PPARGC1B: variants seen among roughly 807,000 people sequenced by gnomAD.
The protein encoded by PPARGC1B is peroxisome proliferator-activated receptor gamma coactivator 1-beta.
A neutral mutation model predicts 101.6 loss-of-function variants in PPARGC1B; 34 were observed. The observed-to-expected ratio is 0.33, with a 90% CI of 0.25 to 0.45. The LOEUF (loss-of-function observed/expected upper bound fraction) is 0.45, where lower values mean the gene tolerates loss of function less well. Ranked by LOEUF, PPARGC1B falls within the 20% of genes least tolerant of loss-of-function variation. The pLI is 1.00. For synonymous variants in PPARGC1B, 548 were observed against 539.3 expected (o/e 1.02, Z -0.22); for missense variants, 1,234 against 1,317.6 (o/e 0.94, Z 0.98).
At chr5:149,820,256 G>T in intron 1 of PPARGC1B, among the ~76,000 whole-genome samples, 177 bp from the exon 2 acceptor site, 1 of 152,168 alleles carries the variant, frequency 6.6e-6, no homozygotes, top group South Asian at 2.1e-4. Context: ...CTGGGGCCTA[G>T]CTTAGCTACC....
At chr5:149,811,385 A>C (rs942550708) in intron 1 of PPARGC1B, among the ~76,000 whole-genome samples, 54 of 152,240 alleles carry the variant, frequency 3.5e-4, no homozygotes, top group African/African-American at 1.2e-3. Context: ...TTAGCAGCTC[A>C]ACTTTATTGA....
chr5:149,779,494 C>T (rs757738353), intron 1 of PPARGC1B, among the ~76,000 whole-genome samples: 7 of 152,144 alleles, frequency 4.6e-5, no homozygotes, highest in Non-Finnish European at 1.0e-4. Flanking sequence ...CTGTATAGCA[C>T]ACACTAAGGA....
At chr5:149,825,579 A>G (rs115028676) in intron 2 of PPARGC1B, among the ~76,000 whole-genome samples, 2,535 of 152,312 alleles carry the variant, frequency 0.017, 29 homozygotes, top group Non-Finnish European at 0.025. Context: ...TCCTCACCAC[A>G]TTCTTTTTCT....
rs182712945 is a variant in PPARGC1B at position 149,844,944 on chromosome 5, C to A, written c.2817-816C>A. On this transcript the variant is annotated intron_variant, in intron 10 of 11. Transcript: ENST00000309241. ...GCTGCCTGTAGCTTTAAGCTACCCC[C>A]CAGCAGCTTAGAGACCCCTGAGAAG... Among the ~76,000 whole-genome samples, 230 of 152,298 alleles carry A rather than the reference C, an allele frequency of 1.5e-3. 1 individual carries two copies. The highest frequency in any genetic ancestry group is 5.2e-3 in the African/African-American group (217 of 41,550).
At chr5:149,738,940 G>T (rs1454876002) in intron 1 of PPARGC1B, among the ~76,000 whole-genome samples, 2 of 152,176 alleles carry the variant, frequency 1.3e-5, no homozygotes, top group African/African-American at 2.4e-5. Context: ...CACCACCCAC[G>T]TGGCTTGTGC....
In PPARGC1B at chr5:149,854,573, G is replaced by A. The variant is rs1251517820; in HGVS notation, c.*7015G>A. On this transcript the variant is annotated 3_prime_UTR_variant, in exon 12 of 12. Transcript: ENST00000309241. ...GTTTTGCTATTTTTTTTAATTGGTA[G>A]AGGATTTTTATATATTTTTTCCATT... 6.6e-6 allele frequency: 1 copy of A among 152,018 alleles called. No homozygotes were observed. Among genetic ancestry groups the A allele is most frequent in the Non-Finnish European group, 1.5e-5 (1 of 68,028 alleles). 9.4% of individuals were successfully genotyped at this position (152,018 alleles called of 1,614,324 possible).
chr5:149,765,722 G>A (rs904268643), intron 1 of PPARGC1B, among the ~76,000 whole-genome samples: 18 of 152,190 alleles, frequency 1.2e-4, no homozygotes, highest in South Asian at 4.2e-4. Flanking sequence ...TTAGCCAGGC[G>A]TGGTGGCGGG....
At chr5:149,809,164 T>TAGAA (rs1757717082) in intron 1 of PPARGC1B, among the ~76,000 whole-genome samples, 1 of 124,100 alleles carries the variant, frequency 8.1e-6, no homozygotes, top group Non-Finnish European at 1.7e-5. Flanking sequence ...GATAGATAGA[T>TAGAA]CCATCTCTAC....
Position 149,769,946 on chromosome 5 carries a change from A to G in PPARGC1B, c.78+39526A>G, listed in dbSNP as rs184630651. 7.0e-4 allele frequency among the ~76,000 whole-genome samples: 107 copies of G among 152,192 alleles called. 2 individuals are homozygous for G. Among genetic ancestry groups the G allele is most frequent in the Non-Finnish European group, 6.3e-4 (43 of 68,008 alleles). On this transcript the variant is annotated intron_variant, in intron 1 of 11. Transcript: ENST00000309241. ...CTCCCATCTCCGTATTCTGAACCAC[A>G]TCGGCAGAGTCCCTTTTGCCCTGTA...
intron 1 of PPARGC1B, among the ~76,000 whole-genome samples, chr5:149,763,227 C>T (rs2113160058): frequency 6.6e-6 from 1 of 152,350 alleles, no homozygotes; most frequent in African/African-American, 2.4e-5. Flanking sequence ...TTCTGGATTC[C>T]TCAGGGGAGC....
chr5:149,759,710 G>A (rs1426112310), intron 1 of PPARGC1B, among the ~76,000 whole-genome samples: 3 of 152,196 alleles, frequency 2.0e-5, no homozygotes, highest in African/African-American at 7.2e-5. Context: ...GGTTGAAAAT[G>A]ACCCACATCC....
At chr5:149,769,370 G>A (rs919282478) in intron 1 of PPARGC1B, among the ~76,000 whole-genome samples, 6 of 152,330 alleles carry the variant, frequency 3.9e-5, no homozygotes, top group African/African-American at 1.4e-4. Flanking sequence ...GGTCTGCACT[G>A]CATAACGTCT....
intron 2 of PPARGC1B, among the ~76,000 whole-genome samples, chr5:149,825,124 C>T (rs953724327): frequency 7.2e-5 from 11 of 152,204 alleles, no homozygotes; most frequent in Non-Finnish European, 5.9e-5. Context: ...ATGAGGCGCT[C>T]GGTGCCTCAC....
chr5:149,826,561 G>C (rs908854359), intron 2 of PPARGC1B, 112 bp from the exon 3 acceptor site: 2 of 812,448 alleles, frequency 2.5e-6, no homozygotes, highest in Admixed American at 1.9e-5. Flanking sequence ...GGAGGGTGTT[G>C]GTGGGCCAGC....
chr5:149,828,876 C>A (rs1307758925), intron 3 of PPARGC1B, among the ~76,000 whole-genome samples: 1 of 151,060 alleles, frequency 6.6e-6, no homozygotes, highest in Non-Finnish European at 1.5e-5. Flanking sequence ...GAAGATCCAT[C>A]TCTATGATTT....
intron 1 of PPARGC1B, among the ~76,000 whole-genome samples, chr5:149,792,704 A>G (rs974112203): frequency 6.6e-5 from 10 of 152,170 alleles, no homozygotes; most frequent in African/African-American, 2.4e-4. Flanking sequence ...GAAGGATAAG[A>G]GCCTGAATAG....
chr5:149,802,788 A>G (rs1030546267), intron 1 of PPARGC1B, among the ~76,000 whole-genome samples: 8 of 152,236 alleles, frequency 5.3e-5, no homozygotes, highest in Admixed American at 3.9e-4. Flanking sequence ...AAATGTGCCT[A>G]TGAATCACCT....
At chr5:149,838,713 C>T (rs1218427761) in intron 8 of PPARGC1B, among the ~76,000 whole-genome samples, 1 of 152,196 alleles carries the variant, frequency 6.6e-6, no homozygotes, top group East Asian at 1.9e-4. Context: ...TTTTTCTCTT[C>T]TCACTTTTGG....
intron 9 of PPARGC1B, among the ~76,000 whole-genome samples, chr5:149,841,785 A>G (rs988249692): frequency 6.6e-6 from 1 of 152,114 alleles, no homozygotes; most frequent in Non-Finnish European, 1.5e-5. Flanking sequence ...GACAGTGTCT[A>G]TACTGTGGCT....
Sources: allele counts gnomAD v4.1 joint callset (sites outside exome capture counted in the v4.1 genomes callset), GRCh38; gene constraint gnomAD v4.1.1; transcripts MANE v1.5; gene names NCBI Gene and HGNC (gene_info 2026-07-23, HGNC 2026-07-21).